Variants in OTUD7A observed in about 807,000 individuals in gnomAD.
The protein encoded by OTUD7A is OTU domain-containing protein 7A.
A neutral mutation model predicts 65.7 loss-of-function variants in OTUD7A; 12 were observed. The observed-to-expected ratio is 0.18, with a 90% CI of 0.12 to 0.30. The LOEUF (loss-of-function observed/expected upper bound fraction) is 0.30. OTUD7A is among the 10% of genes least tolerant of loss of function. The pLI, the probability that OTUD7A is intolerant of heterozygous loss-of-function variation, is 1.00. For synonymous variants in OTUD7A, 641 were observed against 586.3 expected, an observed-to-expected ratio of 1.09 and a Z score of -1.35; for missense variants, 1,148 against 1,304.8, an observed-to-expected ratio of 0.88 and a Z score of 1.85.
chr15:31,527,525 C>A lies in OTUD7A; in HGVS notation c.653-217G>T, dbSNP rs529801574. 5.3e-5 allele frequency among the ~76,000 whole-genome samples: 8 copies of A among 152,356 alleles called. No homozygotes were observed. In the South Asian group the frequency reaches 1.7e-3, roughly 32 times the overall value. ...ATGAAGCAGCACATCCTGTTCTTAG[C>A]AAAACAATAGTGGGTGAAAATCAAG... On this transcript the variant is annotated intron_variant, in intron 6 of 12. Coordinates refer to ENST00000307050, the MANE Select transcript of OTUD7A (RefSeq NM_001382637.1).
intron 3 of OTUD7A, among the ~76,000 whole-genome samples, chr15:31,637,609 T>C (rs1367034837): frequency 1.3e-5 from 2 of 152,246 alleles, no homozygotes; most frequent in Non-Finnish European, 2.9e-5. Flanking sequence ...ATTCCTCTGA[T>C]AGATCTGGGC....
rs1483024619 is a variant in OTUD7A, at chr15:31,475,774, C to T, written c.*7520G>A. On this transcript the variant is annotated 3_prime_UTR_variant, in exon 13 of 13. Transcript: ENST00000307050. ...AGAAAGGGGTTCTGCACAACTGGGT[C>T]AAAGTAATGTGATTGACGACCTACT... 6.6e-6 allele frequency: 1 copy of T among 152,162 alleles called. No homozygotes were observed. Among genetic ancestry groups the T allele is most frequent in the Non-Finnish European group, 1.5e-5 (1 of 68,026 alleles). The allele number at this position is 152,162 out of a possible 1,614,324, so 9.4% of individuals were successfully genotyped here.
intron 3 of OTUD7A, among the ~76,000 whole-genome samples, chr15:31,642,319 A>T (rs1443006754): frequency 6.6e-6 from 1 of 152,190 alleles, no homozygotes; most frequent in Non-Finnish European, 1.5e-5. Context: ...GATTTGCTAA[A>T]ATCTTTTTCA....
Position 31,487,368 on chromosome 15 carries a change from A to AGG in OTUD7A, c.1286+82_1286+83dup. ...GCATGCCAGCTGTCCCAGGAGGAGC[A>AGG]GGGGTGGTACATTCCCTCCCCAGGA... On this transcript the variant is annotated intron_variant, in intron 11 of 12. Coordinates refer to ENST00000307050, the MANE Select transcript of OTUD7A (RefSeq NM_001382637.1). This position sits in a 1 kb window ranked among gnomAD's most constrained non-coding sequence, Gnocchi z 6.0. 1 of 1,576,166 alleles carries AGG rather than the reference A, an allele frequency of 6.3e-7. No homozygotes were observed.
At chr15:31,510,412 G>A (rs1203836125) in intron 8 of OTUD7A, among the ~76,000 whole-genome samples, 1 of 150,640 alleles carries the variant, frequency 6.6e-6, no homozygotes, top group Non-Finnish European at 1.5e-5. Flanking sequence ...AGGAGCGACT[G>A]GCAGGAGTGG....
intron 1 of OTUD7A, among the ~76,000 whole-genome samples, chr15:31,736,160 C>A (rs1056048185): frequency 6.6e-6 from 1 of 152,102 alleles, no homozygotes; most frequent in Non-Finnish European, 1.5e-5. Context: ...CAAACCCCCA[C>A]AACACAAGTT....
intron 3 of OTUD7A, among the ~76,000 whole-genome samples, chr15:31,630,988 C>T (rs1221343740): frequency 1.3e-5 from 2 of 152,156 alleles, no homozygotes; most frequent in Admixed American, 6.5e-5. Context: ...TGTCTCTGCA[C>T]ATGAGATGGG....
chr15:31,684,197 A>T (rs1015903125), intron 1 of OTUD7A, among the ~76,000 whole-genome samples: 9 of 152,204 alleles, frequency 5.9e-5, no homozygotes, highest in African/African-American at 2.2e-4. Context: ...ACAGTTGCAG[A>T]GAAGTGGAAC....
chr15:31,570,805 C>T (rs896034737), intron 3 of OTUD7A, among the ~76,000 whole-genome samples: 1 of 152,028 alleles, frequency 6.6e-6, no homozygotes, highest in Non-Finnish European at 1.5e-5. Flanking sequence ...CACCCCGACA[C>T]GGGGTGCTGG....
At position 31,482,598 on chromosome 15, in the gene OTUD7A, C is replaced by A. The variant is rs1342662443; in HGVS notation, c.*696G>T. 1 of 152,272 alleles carries A rather than the reference C, an allele frequency of 6.6e-6. No individual in the cohort carries two copies. Among genetic ancestry groups the A allele is most frequent in the African/African-American group, 2.4e-5 (1 of 41,468 alleles). The allele number at this position is 152,272 out of a possible 1,614,324, so 9.4% of individuals were successfully genotyped here. On this transcript the variant is annotated 3_prime_UTR_variant, in exon 13 of 13. Transcript: ENST00000307050. ...CACTGGGAGCCATCGCTGTACCTCA[C>A]GGCGCCCGCGAGACGGGTGGTCCAG...
At chr15:31,780,459 C>A (rs751338309) in intron 1 of OTUD7A, among the ~76,000 whole-genome samples, 10 of 152,160 alleles carry the variant, frequency 6.6e-5, no homozygotes, top group Admixed American at 1.3e-4. Context: ...GCCCTCTACT[C>A]AATACTTAGA....
At chr15:31,648,193 C>A (rs1891734673) in intron 3 of OTUD7A, among the ~76,000 whole-genome samples, 1 of 152,104 alleles carries the variant, frequency 6.6e-6, no homozygotes, top group Non-Finnish European at 1.5e-5. Flanking sequence ...CGGGCACCTG[C>A]CCCCAAGCAT....
chr15:31,759,830 G>A (rs982286458), intron 1 of OTUD7A, among the ~76,000 whole-genome samples: 2 of 152,062 alleles, frequency 1.3e-5, no homozygotes, highest in Admixed American at 6.6e-5. Context: ...CCCGGCCAGA[G>A]TCATGCTTTT....
chr15:31,727,464 A>G (rs1893924246), intron 1 of OTUD7A, among the ~76,000 whole-genome samples: 1 of 152,106 alleles, frequency 6.6e-6, no homozygotes, highest in Non-Finnish European at 1.5e-5. Context: ...TTCAATAGGT[A>G]TTTTAGAATT....
chr15:31,683,682 T>C (rs1249527517), intron 1 of OTUD7A, among the ~76,000 whole-genome samples: 1 of 152,186 alleles, frequency 6.6e-6, no homozygotes, highest in Non-Finnish European at 1.5e-5. Context: ...AAGATAGGTA[T>C]GATTATGATT....
intron 3 of OTUD7A, among the ~76,000 whole-genome samples, chr15:31,640,550 T>C (rs941510079): frequency 5.3e-5 from 8 of 152,224 alleles, no homozygotes; most frequent in Admixed American, 4.6e-4. Flanking sequence ...CCAAAGTTCA[T>C]TTCTTTTGCA....
intron 1 of OTUD7A, among the ~76,000 whole-genome samples, chr15:31,839,699 T>C (rs1319331904): frequency 6.6e-6 from 1 of 152,110 alleles, no homozygotes; most frequent in Non-Finnish European, 1.5e-5. Context: ...CTAACTTGTG[T>C]GTGTGAGGGG....
At chr15:31,696,641 G>T (rs1001547000) in intron 1 of OTUD7A, among the ~76,000 whole-genome samples, 23 of 149,590 alleles carry the variant, frequency 1.5e-4, no homozygotes, top group Non-Finnish European at 2.7e-4. Flanking sequence ...AGTGCTCAGA[G>T]GCACGCGTCC....
At chr15:31,632,176 T>C (rs184996479) in intron 3 of OTUD7A, among the ~76,000 whole-genome samples, 26 of 152,164 alleles carry the variant, frequency 1.7e-4, no homozygotes, top group Non-Finnish European at 1.5e-4. Context: ...TGCTTTTTAG[T>C]GTTTCCAGTT....
Sources: gnomAD v4.1 joint callset for allele counts (sites outside exome capture counted in the v4.1 genomes callset) on GRCh38, gnomAD v4.1.1 for gene constraint, Gnocchi (gnomAD v3.1) non-coding constraint, MANE v1.5 for transcripts, NCBI Gene and HGNC (gene_info 2026-07-23, HGNC 2026-07-21) for gene names.